PIP5K1C: variants seen among roughly 807,000 people sequenced by gnomAD.
PIP5K1C encodes the protein phosphatidylinositol-4-phosphate 5-kinase type 1 gamma, also known as phosphatidylinositol 4-phosphate 5-kinase type-1 gamma.
A neutral mutation model predicts 80.1 loss-of-function variants in PIP5K1C; 45 were observed. The observed-to-expected ratio is 0.56, with a 90% confidence interval of 0.44 to 0.72. The LOEUF is 0.72. PIP5K1C is among the 30% of genes least tolerant of loss of function. The pLI is 0.00. For missense variants in PIP5K1C, 753 were observed against 954.6 expected, an observed-to-expected ratio of 0.79 and a Z score of 2.78; for synonymous variants, 498 against 420.1, an observed-to-expected ratio of 1.19 and a Z score of -2.27.
At chr19:3,640,331 T>C (rs2033909119) in intron 15 of PIP5K1C, among the ~76,000 whole-genome samples, 1 of 152,050 alleles carries the variant, frequency 6.6e-6, no homozygotes, top group Non-Finnish European at 1.5e-5. Context: ...CTGGTCAACA[T>C]GGTGAAACCC....
intron 3 of PIP5K1C, 53 bp from the exon 4 acceptor site, chr19:3,662,054 C>A (rs1600007791): frequency 1.3e-6 from 2 of 1,539,502 alleles, no homozygotes; most frequent in South Asian, 2.4e-5. Context: ...CGCTGCCCTG[C>A]ACCCCCTGTG....
intron 3 of PIP5K1C, among the ~76,000 whole-genome samples, chr19:3,664,264 T>G (rs2034932869): frequency 6.6e-6 from 1 of 152,214 alleles, no homozygotes; most frequent in South Asian, 2.1e-4. Context: ...TTTGAGCTGA[T>G]GCAATGTTCT....
intron 1 of PIP5K1C, among the ~76,000 whole-genome samples, chr19:3,699,718 C>A (rs947560435): frequency 1.3e-5 from 2 of 152,352 alleles, no homozygotes; most frequent in East Asian, 3.9e-4. Context: ...TGCCCCCCGC[C>A]CAGCCCGCAG....
At position 3,673,579 on chromosome 19, in the gene PIP5K1C, G is replaced by A. The variant is rs536986845; in HGVS notation, c.95-6226C>T. Among the ~76,000 whole-genome samples, 33 of 152,314 alleles carry A rather than the reference G, an allele frequency of 2.2e-4. 1 individual carries two copies. The South Asian group carries it at 6.8e-3, about 32-fold the overall frequency. ...AGAGGGCAACTGCTGGGCACCCCAG[G>A]ACAGGTGCAGGCTCGCCGTGACACA... On this transcript the variant is annotated intron_variant, in intron 1 of 17. Coordinates refer to ENST00000335312, the MANE Select transcript of PIP5K1C (RefSeq NM_012398.3).
chr19:3,691,599 G>T (rs183866395), intron 1 of PIP5K1C, among the ~76,000 whole-genome samples: 1 of 152,142 alleles, frequency 6.6e-6, no homozygotes, highest in Non-Finnish European at 1.5e-5. Flanking sequence ...CATCTACCCC[G>T]CCTGGCCCGT....
chr19:3,649,101 T>C (rs1466343255), intron 8 of PIP5K1C, among the ~76,000 whole-genome samples: 2 of 135,658 alleles, frequency 1.5e-5, no homozygotes, highest in Non-Finnish European at 3.1e-5. Context: ...GAGTTAACTG[T>C]CACCCGGCAC....
Position 3,661,906 on chromosome 19 carries a change from C to T in PIP5K1C, c.315G>A (p.Gln105=). ...SSKPERDVLM[Q]DFYVVESIFF... is the part of the protein sequence containing the mutation. ...AGATGCTCTCCACCACGTAGAAGTC[C>T]TGCATGAGCACGTCGCGTTCGGGCT... The change falls in exon 4 of 18, where the codon CAG becomes CAA. Residue 105 remains glutamine (Q), a synonymous_variant. Coordinates refer to ENST00000335312, the MANE Select transcript of PIP5K1C (RefSeq NM_012398.3). 1 of 1,612,986 alleles carries T rather than the reference C, an allele frequency of 6.2e-7. No individual in the cohort carries two copies. The highest frequency in any genetic ancestry group is 8.5e-7 in the Non-Finnish European group (1 of 1,179,998).
chr19:3,700,163 C>T (rs2036252205), intron 1 of PIP5K1C, 134 bp downstream of exon 1: 1 of 380,174 alleles, frequency 2.6e-6, no homozygotes, highest in Non-Finnish European at 3.8e-6. Context: ...CAGGGGACTG[C>T]CCCGCCCCAG....
chr19:3,683,959 C>T (rs1159112373), intron 1 of PIP5K1C, among the ~76,000 whole-genome samples: 1 of 149,178 alleles, frequency 6.7e-6, no homozygotes, highest in Non-Finnish European at 1.5e-5. Context: ...CGCTTCCTCT[C>T]CCGGGCAGTC....
At chr19:3,638,833 A>T (rs755197005) in intron 16 of PIP5K1C, 51 bp downstream of exon 16, 54 of 1,607,962 alleles carry the variant, frequency 3.4e-5, no homozygotes, top group Non-Finnish European at 1.2e-5. Flanking sequence ...AGCGTGTGTG[A>T]GAGAGAGTCC....
At chr19:3,666,414 C>T (rs140276809) in intron 2 of PIP5K1C, among the ~76,000 whole-genome samples, 17 of 152,344 alleles carry the variant, frequency 1.1e-4, no homozygotes, top group Non-Finnish European at 2.4e-4. Context: ...AGAAAGCTCT[C>T]GGGAGGAGAC....
intron 1 of PIP5K1C, among the ~76,000 whole-genome samples, chr19:3,677,624 G>A (rs923570185): frequency 1.3e-5 from 2 of 150,896 alleles, no homozygotes; most frequent in Admixed American, 6.6e-5. Flanking sequence ...ATGCTGAATC[G>A]TGTTAAGTGT....
chr19:3,653,888 T>G (rs2034534519), intron 6 of PIP5K1C, among the ~76,000 whole-genome samples: 1 of 152,184 alleles, frequency 6.6e-6, no homozygotes, highest in South Asian at 2.1e-4. Context: ...CCCACAGACA[T>G]CGCCCTGGCT....
At chr19:3,674,703 G>A (rs552857748) in intron 1 of PIP5K1C, among the ~76,000 whole-genome samples, 7 of 152,266 alleles carry the variant, frequency 4.6e-5, no homozygotes, top group South Asian at 2.1e-4. Flanking sequence ...GGGTTTCACC[G>A]TGTTACCCAG....
Position 3,647,338 on chromosome 19 carries a change from C to G in PIP5K1C, c.1260G>C (p.Gly420=), listed in dbSNP as rs1352816135. ...EHTWKALVHD[G]DTVSVHRPSF... The stretch of plus-strand genomic sequence containing the variant: ...ATGGGAGGAGGGTGCAGGCGCTCAC[C>G]CCATCGTGGACGAGGGCCTTCCAGG... Residue 420 remains glycine, a splice_region_variant and synonymous_variant, in exon 10 of 18, where the codon GGG becomes GGC. Transcript: ENST00000335312. 1 of 1,574,434 alleles carries G rather than the reference C, an allele frequency of 6.4e-7. No individual in the cohort carries two copies. The highest frequency in any genetic ancestry group is 8.6e-7 in the Non-Finnish European group (1 of 1,159,006).
In PIP5K1C at chr19:3,663,314, G is replaced by A. The variant is rs994865114; in HGVS notation, c.220-1313C>T. The stretch of plus-strand genomic sequence containing the variant: ...CTCCTGTCGCAGGTGCGAGGTGGCA[G>A]GGAGGGAGGTCGGGAGTTGGGAGTT... On this transcript the variant is annotated intron_variant, in intron 3 of 17. Coordinates refer to ENST00000335312, the MANE Select transcript of PIP5K1C (RefSeq NM_012398.3). 6.6e-5 allele frequency among the ~76,000 whole-genome samples: 10 copies of A among 152,252 alleles called. No homozygotes were observed. In the East Asian group the frequency reaches 1.7e-3, roughly 26 times the overall value.
At chr19:3,649,087 G>A (rs940294671) in intron 8 of PIP5K1C, among the ~76,000 whole-genome samples, 7 of 145,498 alleles carry the variant, frequency 4.8e-5, no homozygotes, top group Non-Finnish European at 9.1e-5. Context: ...CCTGCCCAGC[G>A]CGGGAGTTAA....
At chr19:3,647,181 G>A (rs1233037955) in intron 10 of PIP5K1C, among the ~76,000 whole-genome samples, 157 bp downstream of exon 10, 1 of 132,654 alleles carries the variant, frequency 7.5e-6, no homozygotes, top group Non-Finnish European at 1.6e-5. Context: ...AGGGATGGGA[G>A]GAGGGTGCAG....
chr19:3,646,022 C>T lies in PIP5K1C; in HGVS notation c.1297G>A (p.Glu433Lys), dbSNP rs748987470. Residue 433 changes from glutamate (E) to lysine (K), a missense_variant, in exon 11 of 18, where the codon GAG becomes AAG. Physicochemically the swap from Glu to Lys is moderately conservative, Grantham distance 56. Around this residue, in one of 6 missense-constraint regions of PIP5K1C, gnomAD observed 114 missense variants for 152.4 expected, o/e 0.75. Coordinates refer to ENST00000335312, the MANE Select transcript of PIP5K1C (RefSeq NM_012398.3). ...TTGCTCATGAACTTGAAAAAGCGCT[C>T]GGCATAGAAGCTGGGGCGGTGGACG... Reference protein sequence around the residue: ...VSVHRPSFYAERFFKFMSNTV... With the variant: ...VSVHRPSFYAKRFFKFMSNTV... The T allele has an allele frequency of 1.2e-6, 2 of 1,612,800 alleles. No individual in the cohort carries two copies. Among genetic ancestry groups the T allele is most frequent in the East Asian group, 2.2e-5 (1 of 44,812 alleles).
Sources: allele counts gnomAD v4.1 joint callset (sites outside exome capture counted in the v4.1 genomes callset), GRCh38; gene constraint gnomAD v4.1.1; regional missense constraint gnomAD v4.1.1; transcripts MANE v1.5; gene names NCBI Gene and HGNC (gene_info 2026-07-23, HGNC 2026-07-21).